The following AUTS2 variants were observed in gnomAD, a reference collection of about 807,000 sequenced individuals.
The protein encoded by AUTS2 is activator of transcription and developmental regulator AUTS2, also known as autism susceptibility gene 2 protein.
AUTS2 carries 17 observed loss-of-function variants against 112.4 expected under a neutral mutation model. That is an observed-to-expected ratio of 0.15 (90% confidence interval 0.10 to 0.23). AUTS2 has a LOEUF of 0.23. Among genes scored for constraint, AUTS2 ranks in the 10% least tolerant of loss-of-function variants. The pLI, the probability that AUTS2 is intolerant of heterozygous loss-of-function variation, is 1.00. For synonymous variants in AUTS2, 751 were observed against 702.7 expected, an observed-to-expected ratio of 1.07 and a Z score of -1.09; for missense variants, 1,510 against 1,701.6, an observed-to-expected ratio of 0.89 and a Z score of 1.98.
intron 11 of AUTS2, 27 bp downstream of exon 11, chr7:70,771,671 C>T (rs1585662795): frequency 1.9e-6 from 3 of 1,600,694 alleles, no homozygotes; most frequent in African/African-American, 1.3e-5. Flanking sequence ...TGAAAACACA[C>T]AGGCATGTGT....
chr7:70,496,037 C>T (rs1234112584), intron 5 of AUTS2, among the ~76,000 whole-genome samples: 263 of 134,590 alleles, frequency 2.0e-3, no homozygotes, highest in African/African-American at 7.2e-3. Context: ...CACACACATG[C>T]ACACGTCACA....
At chr7:70,410,711 G>A (rs1794739732) in intron 4 of AUTS2, among the ~76,000 whole-genome samples, 1 of 151,894 alleles carries the variant, frequency 6.6e-6, no homozygotes, top group East Asian at 1.9e-4. Context: ...GTGAGCCACT[G>A]CGCCTGGCTG....
intron 4 of AUTS2, among the ~76,000 whole-genome samples, chr7:70,365,091 G>GA (rs1408519038): frequency 1.3e-5 from 2 of 152,048 alleles, no homozygotes; most frequent in African/African-American, 4.8e-5. Context: ...AATTAACTGT[G>GA]AAAAAAATTC....
At chr7:70,593,817 C>T (rs1227388249) in intron 5 of AUTS2, among the ~76,000 whole-genome samples, 2 of 152,204 alleles carry the variant, frequency 1.3e-5, no homozygotes, top group Non-Finnish European at 2.9e-5. Flanking sequence ...GGTCTCACCA[C>T]AGTCAGGACC....
At chr7:69,924,793 C>T (rs1417055150) in intron 2 of AUTS2, among the ~76,000 whole-genome samples, 3 of 152,112 alleles carry the variant, frequency 2.0e-5, no homozygotes, top group Non-Finnish European at 2.9e-5. Flanking sequence ...TCAGGTGATC[C>T]GTCTGCCTCT....
chr7:69,909,020 G>A (rs1764072762), intron 2 of AUTS2, among the ~76,000 whole-genome samples: 1 of 152,100 alleles, frequency 6.6e-6, no homozygotes, highest in Non-Finnish European at 1.5e-5. Context: ...CAGTACAGGT[G>A]CTGCAGGAGC....
chr7:69,747,859 G>A (rs143340581), intron 1 of AUTS2, among the ~76,000 whole-genome samples: 16 of 151,026 alleles, frequency 1.1e-4, no homozygotes, highest in African/African-American at 3.4e-4. Context: ...ATTTGCGTAC[G>A]TTTTAAAATC....
chr7:70,785,540 G>A (rs1277607834), intron 16 of AUTS2: 1 of 466,386 alleles, frequency 2.1e-6, no homozygotes, highest in Non-Finnish European at 4.3e-6. Context: ...TTCAGGCATT[G>A]GCTTGCACAA....
intron 4 of AUTS2, among the ~76,000 whole-genome samples, chr7:70,306,280 A>G (rs912857333): frequency 1.2e-4 from 18 of 152,230 alleles, no homozygotes; most frequent in African/African-American, 4.1e-4. Flanking sequence ...TTAAAGTCAT[A>G]GCAGGTTGTT....
At chr7:70,439,743 A>T (rs1796048097) in intron 5 of AUTS2, among the ~76,000 whole-genome samples, 1 of 152,134 alleles carries the variant, frequency 6.6e-6, no homozygotes, top group Non-Finnish European at 1.5e-5. Flanking sequence ...CAAAGAGGCA[A>T]CATGCAATTG....
intron 1 of AUTS2, among the ~76,000 whole-genome samples, chr7:69,626,618 G>A (rs574527743): frequency 2.0e-4 from 30 of 152,234 alleles, no homozygotes; most frequent in Middle Eastern, 3.4e-3. Context: ...CATAATTCTA[G>A]GCCTATCAGA....
intron 2 of AUTS2, among the ~76,000 whole-genome samples, chr7:70,008,368 C>T (rs1036169365): frequency 1.3e-5 from 2 of 151,894 alleles, no homozygotes; most frequent in Non-Finnish European, 2.9e-5. Context: ...ATGGGTAATA[C>T]TTTTTGTTTT....
chr7:70,503,751 T>C (rs1195223827), intron 5 of AUTS2, among the ~76,000 whole-genome samples: 1 of 150,452 alleles, frequency 6.6e-6, no homozygotes, highest in African/African-American at 2.4e-5. Context: ...ACTCCTAGGA[T>C]CAAGTGATCC....
chr7:70,592,598 A>G (rs1431580566), intron 5 of AUTS2, among the ~76,000 whole-genome samples: 1 of 152,040 alleles, frequency 6.6e-6, no homozygotes, highest in Non-Finnish European at 1.5e-5. Flanking sequence ...CTGACCTCAA[A>G]TGATCCCACC....
In AUTS2 at chr7:70,688,033, C is replaced by G. The variant is rs149390484; in HGVS notation, c.691-10536C>G. 2.5e-3 allele frequency among the ~76,000 whole-genome samples: 375 copies of G among 152,310 alleles called. 1 individual carries two copies. Among genetic ancestry groups the G allele is most frequent in the Admixed American group, 5.5e-3 (84 of 15,306 alleles). On this transcript the variant is annotated intron_variant, in intron 5 of 18. Coordinates refer to ENST00000342771, the MANE Select transcript of AUTS2 (RefSeq NM_015570.4). ...CGGGCAACCTGTTGACTCCAGTTCT[C>G]CATCCTAGGACCCTTGCTTGACTGC... is the stretch of plus-strand genomic sequence containing the variant.
chr7:69,972,412 C>T (rs1389614583), intron 2 of AUTS2, among the ~76,000 whole-genome samples: 1 of 152,088 alleles, frequency 6.6e-6, no homozygotes, highest in African/African-American at 2.4e-5. Context: ...CTTGTCTATT[C>T]ATCCTCTTTC....
chr7:70,736,766 T>C (rs979641528), intron 6 of AUTS2, among the ~76,000 whole-genome samples: 2 of 152,180 alleles, frequency 1.3e-5, no homozygotes, highest in African/African-American at 2.4e-5. Flanking sequence ...TTATCAGAGT[T>C]TTGTTTTCTG....
At chr7:69,683,196 C>T (rs1056987934) in intron 1 of AUTS2, among the ~76,000 whole-genome samples, 7 of 152,178 alleles carry the variant, frequency 4.6e-5, no homozygotes, top group African/African-American at 1.4e-4. Context: ...AAAACTGGCC[C>T]TCCTATCCTA....
At chr7:70,751,018 G>A (rs1289331634) in intron 6 of AUTS2, among the ~76,000 whole-genome samples, 1 of 152,200 alleles carries the variant, frequency 6.6e-6, no homozygotes, top group Non-Finnish European at 1.5e-5. Context: ...TTAGCTAAAT[G>A]ACTTGTTCCA....
Sources: gnomAD v4.1 joint callset for allele counts (sites outside exome capture counted in the v4.1 genomes callset) on GRCh38, gnomAD v4.1.1 for gene constraint, MANE v1.5 for transcripts, NCBI Gene and HGNC (gene_info 2026-07-23, HGNC 2026-07-21) for gene names.